Variants in FRMD4B observed in about 807,000 individuals in gnomAD.
FRMD4B encodes the protein FERM domain containing 4B.
FRMD4B carries 74 observed loss-of-function variants against 141.5 expected under a neutral mutation model. The observed-to-expected ratio is 0.52, with a 90% CI of 0.43 to 0.63. The LOEUF (loss-of-function observed/expected upper bound fraction) is 0.63. FRMD4B is among the 30% of genes least tolerant of loss of function. FRMD4B has a pLI of 0.00. For missense variants in FRMD4B, 1,366 were observed against 1,253.4 expected (o/e 1.09, Z -1.36); for synonymous variants, 506 against 467.9 (o/e 1.08, Z -1.05).
Position 69,250,290 on chromosome 3 carries a change from CGTGTGTGTGTGTGT to C in FRMD4B, c.502-205_502-192del, listed in dbSNP as rs10526962. ...GGTTAAGGCGAAACCACTGTGTGTG[CGTGTGTGTGTGTGT>C]GTGTGTGTGTGTGTCTATTTTAAAT... is the stretch of plus-strand genomic sequence containing the variant. On this transcript the variant is annotated intron_variant, in intron 5 of 22. Transcript: ENST00000398540. 1.2e-5 allele frequency: 5 copies of C among 418,618 alleles called. No homozygotes were observed. In the East Asian group the frequency reaches 1.3e-4, roughly 10 times the overall value. 25.9% of individuals were successfully genotyped at this position (418,618 alleles called of 1,614,324 possible). A position where few individuals can be genotyped will look rare whatever the true frequency, so the allele number is the denominator to read the frequency against.
chr3:69,261,845 G>A (rs767574671), intron 5 of FRMD4B, among the ~76,000 whole-genome samples: 2 of 151,984 alleles, frequency 1.3e-5, no homozygotes. Context: ...GCTAATTTTT[G>A]TATTTTTAGT....
At chr3:69,435,782 G>C (rs966108124) in intron 1 of FRMD4B, among the ~76,000 whole-genome samples, 2 of 152,154 alleles carry the variant, frequency 1.3e-5, no homozygotes, top group African/African-American at 4.8e-5. Flanking sequence ...AGTTTCTAAA[G>C]TCAGTTCAAA....
At chr3:69,323,728 T>C (rs1040760330) in intron 1 of FRMD4B, among the ~76,000 whole-genome samples, 21 of 148,746 alleles carry the variant, frequency 1.4e-4, no homozygotes, top group African/African-American at 5.0e-4. Flanking sequence ...GATGAGAAAA[T>C]TGAGGCTCAG....
At chr3:69,492,429 T>A (rs1457415590) in intron 1 of FRMD4B, among the ~76,000 whole-genome samples, 1 of 152,196 alleles carries the variant, frequency 6.6e-6, no homozygotes, top group Non-Finnish European at 1.5e-5. Flanking sequence ...CCTGAGCAGG[T>A]CTCTTTGATT....
intron 1 of FRMD4B, chr3:69,472,529 C>T: frequency 3.7e-6 from 1 of 270,294 alleles, no homozygotes. Context: ...AAACTGATGC[C>T]CTTTGGATGT....
intron 7 of FRMD4B, among the ~76,000 whole-genome samples, chr3:69,241,726 C>G (rs374665979): frequency 1.1e-3 from 165 of 152,048 alleles, no homozygotes; most frequent in Non-Finnish European, 5.4e-4. Context: ...GGTAAAACCC[C>G]GTCTCTACTA....
intron 1 of FRMD4B, among the ~76,000 whole-genome samples, chr3:69,525,362 C>T (rs921611051): frequency 6.6e-6 from 1 of 152,094 alleles, no homozygotes; most frequent in Non-Finnish European, 1.5e-5. Flanking sequence ...CTGGCTCCTC[C>T]CTCTGGACCC....
chr3:69,258,328 G>A (rs2093505342), intron 5 of FRMD4B, among the ~76,000 whole-genome samples: 1 of 152,100 alleles, frequency 6.6e-6, no homozygotes, highest in Non-Finnish European at 1.5e-5. Context: ...AAGTCTCAGT[G>A]TACAGCTCAA....
At chr3:69,463,835 T>C (rs969527616) in intron 1 of FRMD4B, among the ~76,000 whole-genome samples, 4 of 152,354 alleles carry the variant, frequency 2.6e-5, no homozygotes, top group Admixed American at 6.5e-5. Context: ...GAGGGCTCTC[T>C]CTGCACAAAG....
intron 1 of FRMD4B, among the ~76,000 whole-genome samples, chr3:69,460,607 G>C (rs949412382): frequency 2.6e-5 from 4 of 152,132 alleles, no homozygotes; most frequent in Non-Finnish European, 4.4e-5. Context: ...AATATAAAGT[G>C]CCAGATATTC....
intron 4 of FRMD4B, among the ~76,000 whole-genome samples, chr3:69,293,875 T>G (rs1700955044): frequency 1.6e-5 from 1 of 62,134 alleles, no homozygotes; most frequent in Admixed American, 2.6e-4. Flanking sequence ...AGCTAGATTC[T>G]GCCTCAAAAA....
chr3:69,354,904 A>G (rs764593901), intron 1 of FRMD4B, among the ~76,000 whole-genome samples: 2 of 152,198 alleles, frequency 1.3e-5, no homozygotes, highest in African/African-American at 2.4e-5. Flanking sequence ...CAAAAAGTTT[A>G]ATACATATTT....
At chr3:69,332,940 A>G (rs1013703513) in intron 1 of FRMD4B, among the ~76,000 whole-genome samples, 1 of 151,954 alleles carries the variant, frequency 6.6e-6, no homozygotes, top group African/African-American at 2.4e-5. Flanking sequence ...GCATTCACCA[A>G]AAAGCAGAGT....
chr3:69,488,946 G>T (rs1007780947), intron 1 of FRMD4B, among the ~76,000 whole-genome samples: 23 of 114,726 alleles, frequency 2.0e-4, no homozygotes, highest in African/African-American at 5.8e-4. Flanking sequence ...TCAAAGAAAA[G>T]ACAGTAGTAA....
chr3:69,405,971 A>T (rs1704642613), intron 2 of FRMD4B, among the ~76,000 whole-genome samples: 1 of 152,188 alleles, frequency 6.6e-6, no homozygotes, highest in Non-Finnish European at 1.5e-5. Context: ...TGGGTATAAT[A>T]ATTATTAAAT....
chr3:69,335,568 G>C (rs748808170), intron 1 of FRMD4B, among the ~76,000 whole-genome samples: 10 of 150,070 alleles, frequency 6.7e-5, no homozygotes. Context: ...TGCCCACCTC[G>C]GCTTCCCAAA....
chr3:69,432,838 C>G (rs1705201869), intron 1 of FRMD4B: 1 of 152,194 alleles, frequency 6.6e-6, no homozygotes. Context: ...GTCAGTGACA[C>G]TTCTAATTTA....
intron 1 of FRMD4B, among the ~76,000 whole-genome samples, chr3:69,499,403 G>C (rs1324277912): frequency 1.3e-5 from 2 of 152,188 alleles, no homozygotes; most frequent in Non-Finnish European, 2.9e-5. Flanking sequence ...TGTTGGTTTG[G>C]ACCATGGCTG....
chr3:69,249,895 C>T (rs968934696), intron 6 of FRMD4B, 148 bp downstream of exon 6: 10 of 651,248 alleles, frequency 1.5e-5, no homozygotes, highest in Admixed American at 9.9e-5. Context: ...AAGCAGAAGA[C>T]GGTGGCGCAC....
Sources: allele counts gnomAD v4.1 joint callset (sites outside exome capture counted in the v4.1 genomes callset), GRCh38; gene constraint gnomAD v4.1.1; transcripts MANE v1.5; gene names NCBI Gene and HGNC (gene_info 2026-07-23, HGNC 2026-07-21).